Variants in MDGA2 observed in about 807,000 individuals in gnomAD.
MDGA2 encodes the protein MAM domain containing glycosylphosphatidylinositol anchor 2.
MDGA2 carries 40 observed loss-of-function variants against 117.8 expected under a neutral mutation model. The observed-to-expected ratio is 0.34, with a 90% confidence interval of 0.26 to 0.44. The LOEUF (loss-of-function observed/expected upper bound fraction) is 0.44. Among genes scored for constraint, MDGA2 ranks in the 20% least tolerant of loss-of-function variants. MDGA2 has a pLI of 1.00. For missense variants in MDGA2, 1,123 were observed against 1,250.6 expected (o/e 0.90, Z 1.54); for synonymous variants, 452 against 439.0 (o/e 1.03, Z -0.37).
intron 1 of MDGA2, among the ~76,000 whole-genome samples, chr14:47,423,793 C>CTGTT (rs2138512183): frequency 7.7e-6 from 1 of 130,084 alleles, no homozygotes; most frequent in Admixed American, 8.1e-5. Flanking sequence ...TTTTATTTAA[C>CTGTT]TATTTATTTT....
At chr14:47,212,481 A>T (rs1885920678) in intron 3 of MDGA2, among the ~76,000 whole-genome samples, 1 of 152,200 alleles carries the variant, frequency 6.6e-6, no homozygotes, top group Non-Finnish European at 1.5e-5. Flanking sequence ...GATACATCAA[A>T]CAACCCTAGG....
At chr14:47,042,554 T>G (rs1889116292) in intron 7 of MDGA2, among the ~76,000 whole-genome samples, 2 of 152,106 alleles carry the variant, frequency 1.3e-5, no homozygotes, top group Non-Finnish European at 2.9e-5. Context: ...ATCTCTTCTT[T>G]GCTAGCACAT....
rs533861258 is a variant in MDGA2, at chr14:47,034,005, C to T, written c.1819+1006G>A. ...TTTCCTGAGTTACAAAAGAGTCAGA[C>T]AAAAATGACATCGTTTATTGAAGTG... On this transcript the variant is annotated intron_variant, in intron 8 of 16. Coordinates refer to ENST00000399232, the MANE Select transcript of MDGA2 (RefSeq NM_001113498.3). 4.6e-5 allele frequency among the ~76,000 whole-genome samples: 7 copies of T among 152,284 alleles called. No homozygotes were observed. In the East Asian group the frequency reaches 1.4e-3, roughly 29 times the overall value.
At chr14:46,986,836 T>C in intron 8 of MDGA2, among the ~76,000 whole-genome samples, 1 of 152,094 alleles carries the variant, frequency 6.6e-6, no homozygotes, top group East Asian at 1.9e-4. Context: ...GCCAAGTGTG[T>C]CTGATTTTCT....
At chr14:47,037,957 TCTCG>T (rs1888916953) in intron 7 of MDGA2, among the ~76,000 whole-genome samples, 1 of 152,194 alleles carries the variant, frequency 6.6e-6, no homozygotes, top group Admixed American at 6.5e-5. Context: ...TGAGATGGAG[TCTCG>T]CTCTGTTGCC....
At chr14:46,865,987 A>G (rs1246193599) in intron 14 of MDGA2, among the ~76,000 whole-genome samples, 2 of 151,740 alleles carry the variant, frequency 1.3e-5, no homozygotes, top group East Asian at 3.9e-4. Flanking sequence ...TATAGATTCA[A>G]TGCCATCCCC....
At chr14:47,607,007 T>A (rs1231444676) in intron 1 of MDGA2, among the ~76,000 whole-genome samples, 1 of 152,042 alleles carries the variant, frequency 6.6e-6, no homozygotes, top group Non-Finnish European at 1.5e-5. Context: ...TAGAGGAAAA[T>A]TTTTCAACAC....
chr14:47,221,687 C>CAAAA (rs36059038), intron 2 of MDGA2, among the ~76,000 whole-genome samples: 2 of 124,174 alleles, frequency 1.6e-5, no homozygotes, highest in African/African-American at 3.0e-5. Context: ...GACTCTATCT[C>CAAAA]AAAAAAAAAA....
chr14:47,236,774 T>G (rs1886879486), intron 2 of MDGA2, among the ~76,000 whole-genome samples: 1 of 152,174 alleles, frequency 6.6e-6, no homozygotes, highest in Non-Finnish European at 1.5e-5. Context: ...TAACATAAAA[T>G]ATCAGCTTTT....
chr14:47,561,188 T>TTTTTG (rs1895808746), intron 1 of MDGA2, among the ~76,000 whole-genome samples: 9 of 142,644 alleles, frequency 6.3e-5, no homozygotes, highest in Admixed American at 5.7e-4. Flanking sequence ...TGTTTTTTTT[T>TTTTTG]GCTTAGGATT....
chr14:47,432,000 G>C (rs1275427205), intron 1 of MDGA2, among the ~76,000 whole-genome samples: 1 of 151,986 alleles, frequency 6.6e-6, no homozygotes, highest in Non-Finnish European at 1.5e-5. Context: ...AATATAGATA[G>C]CATATTATTT....
At chr14:47,219,445 C>A (rs1594732569) in intron 2 of MDGA2, among the ~76,000 whole-genome samples, 1 of 151,788 alleles carries the variant, frequency 6.6e-6, no homozygotes, top group East Asian at 1.9e-4. Flanking sequence ...ATGGAATACA[C>A]AAAGATGCAA....
chr14:47,266,387 A>G (rs1463348452), intron 2 of MDGA2, among the ~76,000 whole-genome samples: 1 of 152,132 alleles, frequency 6.6e-6, no homozygotes, highest in Non-Finnish European at 1.5e-5. Context: ...GTTCATCTCC[A>G]CTGCCACTAC....
At chr14:47,479,520 A>G (rs753162921) in intron 1 of MDGA2, among the ~76,000 whole-genome samples, 1 of 152,118 alleles carries the variant, frequency 6.6e-6, no homozygotes, top group Non-Finnish European at 1.5e-5. Context: ...CTTCAAAACC[A>G]AGGACTTACA....
chr14:46,849,142 T>C (rs1294245033), intron 15 of MDGA2, among the ~76,000 whole-genome samples: 1 of 151,986 alleles, frequency 6.6e-6, no homozygotes, highest in Non-Finnish European at 1.5e-5. Context: ...ATAAAACTCT[T>C]AGTACAGTCA....
intron 8 of MDGA2, among the ~76,000 whole-genome samples, chr14:47,031,770 G>A (rs888578089): frequency 6.6e-6 from 1 of 152,096 alleles, no homozygotes; most frequent in African/African-American, 2.4e-5. Flanking sequence ...CTCATGAGAC[G>A]TATTCATTTA....
intron 7 of MDGA2, among the ~76,000 whole-genome samples, chr14:47,038,780 C>CA (rs35953830): frequency 0.057 from 8,056 of 141,504 alleles, 251 homozygotes; most frequent in Middle Eastern, 0.089. Flanking sequence ...ACTAAAAATA[C>CA]AAAAAAAAAA....
intron 8 of MDGA2, among the ~76,000 whole-genome samples, chr14:47,005,456 ACT>A (rs1300811131): frequency 2.6e-5 from 4 of 151,472 alleles, no homozygotes; most frequent in Admixed American, 1.3e-4. Context: ...CTCAGCATAA[ACT>A]CTGCATCATC....
intron 1 of MDGA2, among the ~76,000 whole-genome samples, chr14:47,537,574 TAAAAAAAAAAAAAAA>T (rs58060138): frequency 0.016 from 588 of 36,628 alleles, 11 homozygotes; most frequent in African/African-American, 0.046. Context: ...TTCTCTCTGT[TAAAAAAAAAAAAAAA>T]AAAAAAAAAA....
Sources: allele counts gnomAD v4.1 joint callset (sites outside exome capture counted in the v4.1 genomes callset), GRCh38; gene constraint gnomAD v4.1.1; transcripts MANE v1.5; gene names NCBI Gene and HGNC (gene_info 2026-07-23, HGNC 2026-07-21).